The following PCDH15 variants were observed in gnomAD, a reference collection of about 807,000 sequenced individuals.
The protein encoded by PCDH15 is protocadherin-15.
A neutral mutation model predicts 178.5 loss-of-function variants in PCDH15; 129 were observed. That is an observed-to-expected ratio of 0.72 (90% CI 0.63 to 0.84). PCDH15 has a LOEUF of 0.84. PCDH15 is among the 40% of genes least tolerant of loss of function. PCDH15 has a pLI of 0.00. For synonymous variants in PCDH15, 800 were observed against 732.0 expected (o/e 1.09, Z -1.50); for missense variants, 2,230 against 2,099.9 (o/e 1.06, Z -1.21).
At chr10:54,509,919 G>T (rs191588523) in intron 3 of PCDH15, among the ~76,000 whole-genome samples, 1 of 152,106 alleles carries the variant, frequency 6.6e-6, no homozygotes, top group African/African-American at 2.4e-5. Context: ...TCCACATGCC[G>T]ATCATGCACT....
chr10:54,918,141 G>C (rs932813663), intron 2 of PCDH15, among the ~76,000 whole-genome samples: 21 of 151,892 alleles, frequency 1.4e-4, no homozygotes, highest in African/African-American at 3.6e-4. Flanking sequence ...AGCTTGTTAA[G>C]GCCTTTATTT....
chr10:54,681,136 C>A (rs545289775), intron 1 of PCDH15, among the ~76,000 whole-genome samples: 305 of 152,176 alleles, frequency 2.0e-3, no homozygotes, highest in South Asian at 3.5e-3. Flanking sequence ...ACGTAGCCAA[C>A]AAGAAACTGA....
chr10:55,034,149 G>T (rs1307348348), intron 2 of PCDH15, among the ~76,000 whole-genome samples: 1 of 152,002 alleles, frequency 6.6e-6, no homozygotes, highest in Non-Finnish European at 1.5e-5. Flanking sequence ...AGCCCAAAAG[G>T]ACTCAGAAAA....
At chr10:54,219,669 C>T (rs184046053) in intron 9 of PCDH15, among the ~76,000 whole-genome samples, 22 of 150,056 alleles carry the variant, frequency 1.5e-4, no homozygotes, top group Non-Finnish European at 3.1e-4. Context: ...GAATTCTGGT[C>T]CCCTTGCATC....
At chr10:54,229,225 A>G (rs2053797751) in intron 9 of PCDH15, among the ~76,000 whole-genome samples, 1 of 152,186 alleles carries the variant, frequency 6.6e-6, no homozygotes, top group Non-Finnish European at 1.5e-5. Context: ...GACCGGAAAT[A>G]AAGTCAGACT....
chr10:53,840,164 A>C (rs892616656), intron 29 of PCDH15, among the ~76,000 whole-genome samples, 156 bp downstream of exon 29: 3 of 121,182 alleles, frequency 2.5e-5, no homozygotes, highest in African/African-American at 4.3e-5. Context: ...ACTTTAAGGC[A>C]TGAGAATCCT....
chr10:54,376,374 C>T (rs1948434363), intron 4 of PCDH15, among the ~76,000 whole-genome samples: 1 of 150,474 alleles, frequency 6.6e-6, no homozygotes, highest in African/African-American at 2.4e-5. Flanking sequence ...CTATATTTAG[C>T]TTTTGGGAAA....
At chr10:54,055,436 A>T (rs918484563) in intron 18 of PCDH15, among the ~76,000 whole-genome samples, 1 of 152,362 alleles carries the variant, frequency 6.6e-6, no homozygotes, top group African/African-American at 2.4e-5. Context: ...TGCTGAGAAC[A>T]TTGTTTAATC....
intron 2 of PCDH15, among the ~76,000 whole-genome samples, chr10:55,490,933 A>G (rs1240359319): frequency 1.3e-5 from 2 of 151,820 alleles, no homozygotes; most frequent in Non-Finnish European, 2.9e-5. Flanking sequence ...GATAAGAACA[A>G]TTACAAGAAC....
At chr10:54,377,809 A>T (rs1470173991) in intron 4 of PCDH15, among the ~76,000 whole-genome samples, 1 of 152,156 alleles carries the variant, frequency 6.6e-6, no homozygotes, top group Non-Finnish European at 1.5e-5. Context: ...TCTGTACTCA[A>T]GAAAGACTGA....
intron 3 of PCDH15, among the ~76,000 whole-genome samples, chr10:54,865,219 G>A (rs564372796): frequency 1.3e-5 from 2 of 152,256 alleles, no homozygotes; most frequent in East Asian, 1.9e-4. Flanking sequence ...TGCCAGTGTG[G>A]CTAGAACAAA....
chr10:55,588,602 A>G (rs1462345908), intron 2 of PCDH15, among the ~76,000 whole-genome samples: 1 of 152,140 alleles, frequency 6.6e-6, no homozygotes, highest in African/African-American at 2.4e-5. Flanking sequence ...CCATGTGAGA[A>G]TATTTGAGAC....
intron 3 of PCDH15, among the ~76,000 whole-genome samples, chr10:54,432,857 A>G (rs1202635587): frequency 6.6e-6 from 1 of 152,152 alleles, no homozygotes; most frequent in East Asian, 1.9e-4. Context: ...CAGAATATAT[A>G]ACAAGCTCAA....
At chr10:54,248,053 G>A (rs112193428) in intron 8 of PCDH15, among the ~76,000 whole-genome samples, 4,741 of 149,576 alleles carry the variant, frequency 0.032, 98 homozygotes, top group Non-Finnish European at 0.049. Flanking sequence ...GTGTAATCTG[G>A]GTGTTAAAAT....
chr10:55,370,494 A>G (rs1337151540), intron 2 of PCDH15, among the ~76,000 whole-genome samples: 2 of 152,072 alleles, frequency 1.3e-5, no homozygotes, highest in African/African-American at 4.8e-5. Context: ...ACAACTAATG[A>G]ATCGCCTGTT....
At chr10:55,080,576 C>T (rs979070847) in intron 2 of PCDH15, among the ~76,000 whole-genome samples, 4 of 152,022 alleles carry the variant, frequency 2.6e-5, no homozygotes, top group Admixed American at 6.6e-5. Context: ...TTATTTGGTC[C>T]CTGGCTGCTG....
At chr10:54,200,520 C>T (rs2133972414) in intron 10 of PCDH15, among the ~76,000 whole-genome samples, 1 of 152,082 alleles carries the variant, frequency 6.6e-6, no homozygotes, top group African/African-American at 2.4e-5. Context: ...CGCAAGTGCT[C>T]ACCTTCATCT....
intron 2 of PCDH15, among the ~76,000 whole-genome samples, chr10:55,394,816 C>A (rs975397522): frequency 2.0e-5 from 3 of 151,974 alleles, no homozygotes; most frequent in Non-Finnish European, 4.4e-5. Context: ...CAAACATCAA[C>A]AATTTTGTCT....
At chr10:55,048,126 G>T (rs1012841112) in intron 2 of PCDH15, among the ~76,000 whole-genome samples, 2 of 151,752 alleles carry the variant, frequency 1.3e-5, no homozygotes, top group Non-Finnish European at 3.0e-5. Context: ...TAAGAAAAAA[G>T]GAGGAGAATC....
Sources: gnomAD v4.1 joint callset for allele counts (sites outside exome capture counted in the v4.1 genomes callset) on GRCh38, gnomAD v4.1.1 for gene constraint, MANE v1.5 for transcripts, NCBI Gene and HGNC (gene_info 2026-07-23, HGNC 2026-07-21) for gene names.